Variants in MAP4 observed in about 807,000 individuals in gnomAD.
MAP4 encodes the protein microtubule associated protein 4.
In MAP4, 76 loss-of-function variants were observed where a neutral mutation model predicts 170.2. The ratio of observed to expected loss-of-function variants is 0.45; its 90% CI spans 0.37 to 0.54. The LOEUF (loss-of-function observed/expected upper bound fraction) is 0.54, where lower values mean the gene tolerates loss of function less well. Among genes scored for constraint, MAP4 ranks in the 20% least tolerant of loss-of-function variants. The pLI, the probability that MAP4 is intolerant of heterozygous loss-of-function variation, is 0.00. For synonymous variants in MAP4, 909 were observed against 994.5 expected (o/e 0.91, Z 1.62); for missense variants, 2,506 against 2,748.0 (o/e 0.91, Z 1.97).
chr3:47,925,075 G>T (rs767210835), intron 4 of MAP4, among the ~76,000 whole-genome samples: 2 of 152,172 alleles, frequency 1.3e-5, no homozygotes, highest in Non-Finnish European at 2.9e-5. Context: ...CTCCCAAAGT[G>T]CTGTGATTAC....
At chr3:47,994,668 A>T (rs1049406093) in intron 2 of MAP4, among the ~76,000 whole-genome samples, 1 of 152,146 alleles carries the variant, frequency 6.6e-6, no homozygotes, top group African/African-American at 2.4e-5. Flanking sequence ...GCTACTTTTG[A>T]TATGTAAATG....
chr3:47,985,776 C>T lies in MAP4; in HGVS notation c.224-7843G>A, dbSNP rs565835274. Among the ~76,000 whole-genome samples, 6 of 152,222 alleles carry T rather than the reference C, an allele frequency of 3.9e-5. No individual in the cohort carries two copies. In the East Asian group the frequency reaches 9.7e-4, roughly 24 times the overall value. Reference sequence around the variant, plus strand: ...AAGACTGAAGAGACATGAAAACTAACGTGATTCCAGATTTAATTGCAGACA... The same window carrying T: ...AAGACTGAAGAGACATGAAAACTAATGTGATTCCAGATTTAATTGCAGACA... On this transcript the variant is annotated intron_variant, in intron 2 of 20. Coordinates refer to ENST00000683076, the MANE Select transcript of MAP4 (RefSeq NM_001385682.1).
chr3:48,021,685 A>C (rs1417013236), intron 1 of MAP4, among the ~76,000 whole-genome samples: 1 of 152,178 alleles, frequency 6.6e-6, no homozygotes, highest in Non-Finnish European at 1.5e-5. Context: ...AAAGTCCAGT[A>C]GGTTTTTTCT....
intron 1 of MAP4, among the ~76,000 whole-genome samples, chr3:48,025,352 G>A (rs1347266257): frequency 6.7e-6 from 1 of 149,280 alleles, no homozygotes. Context: ...GCAATGGTGC[G>A]ATCTCGGCTC....
At chr3:47,870,176 T>C (rs2089020727) in intron 15 of MAP4, among the ~76,000 whole-genome samples, 1 of 152,122 alleles carries the variant, frequency 6.6e-6, no homozygotes, top group South Asian at 2.1e-4. Context: ...CACGCAGAGT[T>C]CCCATGGTTA....
intron 3 of MAP4, among the ~76,000 whole-genome samples, chr3:47,938,885 C>T (rs1333342575): frequency 8.5e-5 from 13 of 152,228 alleles, no homozygotes; most frequent in Admixed American, 8.5e-4. Flanking sequence ...CTTATAAAGA[C>T]GATGTGTTTA....
intron 1 of MAP4, among the ~76,000 whole-genome samples, chr3:48,022,909 T>A (rs943213420): frequency 6.6e-6 from 1 of 151,650 alleles, no homozygotes; most frequent in African/African-American, 2.4e-5. Flanking sequence ...AAAAAAAAAA[T>A]TTATTTTCCA....
chr3:47,854,887 G>A (rs930536402), intron 19 of MAP4, among the ~76,000 whole-genome samples: 31 of 152,200 alleles, frequency 2.0e-4, no homozygotes, highest in Non-Finnish European at 1.5e-5. Flanking sequence ...CATTCCCCTT[G>A]GCGCGAGACA....
At chr3:47,887,750 C>A (rs2097854072) in intron 10 of MAP4, among the ~76,000 whole-genome samples, 1 of 152,244 alleles carries the variant, frequency 6.6e-6, no homozygotes, top group Non-Finnish European at 1.5e-5. Context: ...CTGTGTTTAG[C>A]TCAAGGTTTG....
At chr3:47,939,833 G>GC (rs2100055199) in intron 3 of MAP4, among the ~76,000 whole-genome samples, 1 of 150,840 alleles carries the variant, frequency 6.6e-6, no homozygotes, top group Non-Finnish European at 1.5e-5. Flanking sequence ...TGTTGTTGTT[G>GC]TTTTTTTCAT....
chr3:47,990,232 C>T (rs1222169199), intron 2 of MAP4, among the ~76,000 whole-genome samples: 2 of 152,218 alleles, frequency 1.3e-5, no homozygotes, highest in Non-Finnish European at 2.9e-5. Flanking sequence ...ATAGTTGTCA[C>T]TTAGGCCCTT....
chr3:47,895,192 C>T (rs1376341617), intron 10 of MAP4, among the ~76,000 whole-genome samples: 2 of 152,156 alleles, frequency 1.3e-5, no homozygotes, highest in Non-Finnish European at 1.5e-5. Flanking sequence ...AATTTACTGA[C>T]ATGGTGGGGA....
chr3:48,049,317 T>A (rs1025383602), intron 1 of MAP4, among the ~76,000 whole-genome samples: 1 of 152,216 alleles, frequency 6.6e-6, no homozygotes, highest in African/African-American at 2.4e-5. Flanking sequence ...GTATGGTAAG[T>A]ACATGTTTAA....
At chr3:48,018,880 T>C (rs903134786), upstream of MAP4, among the ~76,000 whole-genome samples, 7 of 152,332 alleles carry the variant, frequency 4.6e-5, 1 homozygote, top group Admixed American at 3.3e-4. Context: ...AGCAAGCATG[T>C]TGTCTGGAAT....
chr3:47,915,018 T>C (rs2100037979), intron 7 of MAP4, 79 bp from the exon 8 acceptor site: 2 of 1,561,432 alleles, frequency 1.3e-6, no homozygotes, highest in East Asian at 2.2e-5. Flanking sequence ...AAATTGGATA[T>C]GGGATTAGTT....
rs1352190873 is a variant in MAP4 at position 47,935,011 on chromosome 3, C to G, written c.293-6661G>C. Among the ~76,000 whole-genome samples, 3 of 152,202 alleles carry G rather than the reference C, an allele frequency of 2.0e-5. No homozygotes were observed. The East Asian group carries it at 5.8e-4, about 29-fold the overall frequency. On this transcript the variant is annotated intron_variant, in intron 3 of 20. Coordinates refer to ENST00000683076, the MANE Select transcript of MAP4 (RefSeq NM_001385682.1). ...TTAAGACATGCCCAATGATGCAAAC[C>G]TCTGCAAGCTTTAGTTTTCATAACT... is the stretch of plus-strand genomic sequence containing the variant.
intron 15 of MAP4, 72 bp downstream of exon 15, chr3:47,870,741 G>C: frequency 2.1e-6 from 3 of 1,445,186 alleles, no homozygotes; most frequent in Non-Finnish European, 2.8e-6. Context: ...GGTGGGCCTG[G>C]GAACAGTGGG....
intron 3 of MAP4, chr3:47,975,457 G>A (rs1253276968): frequency 3.8e-6 from 6 of 1,569,042 alleles, no homozygotes; most frequent in East Asian, 2.3e-5. Flanking sequence ...TGAGAGACAC[G>A]CTAGGCTTCT....
chr3:48,030,798 CAAAAAAAAA>C (rs71625847), intron 1 of MAP4, among the ~76,000 whole-genome samples: 2 of 29,062 alleles, frequency 6.9e-5, no homozygotes, highest in Admixed American at 5.8e-4. Context: ...GACTCCATCT[CAAAAAAAAA>C]AAAAAAAAAA....
Sources: allele counts gnomAD v4.1 joint callset (sites outside exome capture counted in the v4.1 genomes callset), GRCh38; gene constraint gnomAD v4.1.1; transcripts MANE v1.5; gene names NCBI Gene and HGNC (gene_info 2026-07-23, HGNC 2026-07-21).